The following GCFC2 variants were observed in gnomAD, a reference collection of about 807,000 sequenced individuals.
GCFC2 encodes intron Large complex component GCFC2.
A neutral mutation model predicts 99.4 loss-of-function variants in GCFC2; 102 were observed. The observed-to-expected ratio is 1.03, with a 90% CI of 0.87 to 1.21. The LOEUF is 1.21. Among genes scored for constraint, GCFC2 ranks in the 50% most tolerant of loss-of-function variants. GCFC2 has a pLI of 0.00. For synonymous variants in GCFC2, 338 were observed against 316.8 expected, an observed-to-expected ratio of 1.07 and a Z score of -0.71; for missense variants, 973 against 920.9, an observed-to-expected ratio of 1.06 and a Z score of -0.73.
chr2:75,687,855 G>A lies in GCFC2; in HGVS notation c.1662C>T (p.Ile554=), dbSNP rs761193290. ...TAAGTCGGGGAATAATTGTTTTGTTGATGATTGCAGACAAGACTTTTTTAT... is the reference window on the plus strand; with the variant it reads ...TAAGTCGGGGAATAATTGTTTTGTTAATGATTGCAGACAAGACTTTTTTAT... The part of the protein sequence containing the change: ...SSDKKVLSAI[I]NKTIIPRLTD... Residue 554 remains isoleucine, a synonymous_variant, in exon 11 of 17, where the codon ATC becomes ATT. Coordinates refer to ENST00000321027, the MANE Select transcript of GCFC2 (RefSeq NM_003203.5). 17 of 1,605,060 alleles carry A rather than the reference G, an allele frequency of 1.1e-5. No homozygotes were observed. Among genetic ancestry groups the A allele is most frequent in the Non-Finnish European group, 1.4e-5 (16 of 1,176,178 alleles).
chr2:75,678,251 T>C (rs946325503), intron 12 of GCFC2, among the ~76,000 whole-genome samples: 4 of 152,224 alleles, frequency 2.6e-5, no homozygotes, highest in African/African-American at 9.7e-5. Flanking sequence ...GGAAAGCAAA[T>C]GCAGGATTAT....
chr2:75,689,422 T>C (rs1679958147), intron 9 of GCFC2, among the ~76,000 whole-genome samples, 197 bp from the exon 10 acceptor site: 1 of 152,168 alleles, frequency 6.6e-6, no homozygotes, highest in Non-Finnish European at 1.5e-5. Flanking sequence ...ATACCCCTGC[T>C]ATACGCAGAA....
rs1189717390 is a variant in GCFC2 at position 75,710,668 on chromosome 2, C to T, written c.188G>A (p.Gly63Asp). The change falls in exon 1 of 17, where the codon GGC becomes GAC. Residue 63 changes from glycine (G) to aspartate (D), a missense_variant. Physicochemically the swap from Gly to Asp is moderately conservative, Grantham distance 94 (BLOSUM62 -1). Transcript: ENST00000321027. The stretch of plus-strand genomic sequence containing the variant: ...CCAGACCCGGCCCCGGCCACGAGGG[C>T]CCCGAACCCGGTGGGGCAGTCCCGC... ...QVAGLPHRVR[G>D]PRGRGRVWAS... 1 of 1,520,744 alleles carries T rather than the reference C, an allele frequency of 6.6e-7. No homozygotes were observed. Among genetic ancestry groups the T allele is most frequent in the Admixed American group, 2.0e-5 (1 of 50,020 alleles). 94.2% of individuals were successfully genotyped at this position (1,520,744 alleles called of 1,614,324 possible).
intron 6 of GCFC2, among the ~76,000 whole-genome samples, chr2:75,693,209 C>A (rs1680165776): frequency 6.6e-6 from 1 of 152,098 alleles, no homozygotes; most frequent in South Asian, 2.1e-4. Context: ...GAGGCTGAGA[C>A]AGGTGGATTG....
chr2:75,695,430 T>TA (rs1558746986), intron 5 of GCFC2, among the ~76,000 whole-genome samples: 2 of 152,260 alleles, frequency 1.3e-5, no homozygotes, highest in South Asian at 2.1e-4. Context: ...ATAGTTTTTT[T>TA]AAAAAAATTA....
intron 11 of GCFC2, among the ~76,000 whole-genome samples, chr2:75,686,852 A>G (rs1679838423): frequency 6.6e-6 from 1 of 152,248 alleles, no homozygotes; most frequent in Non-Finnish European, 1.5e-5. Context: ...AGGTAAAACA[A>G]AAGACTTCAT....
intron 15 of GCFC2, among the ~76,000 whole-genome samples, chr2:75,669,373 C>A (rs1678984641): frequency 6.6e-6 from 1 of 152,058 alleles, no homozygotes; most frequent in Admixed American, 6.5e-5. Context: ...TAATAATAAT[C>A]AATTAATCCC....
intron 1 of GCFC2, among the ~76,000 whole-genome samples, chr2:75,709,971 C>T (rs1274354477): frequency 6.6e-6 from 1 of 152,186 alleles, no homozygotes; most frequent in East Asian, 1.9e-4. Flanking sequence ...CTGCCTTACA[C>T]CTGTATTTAA....
chr2:75,699,724 C>T lies in GCFC2; in HGVS notation c.717+1466G>A, dbSNP rs190603636. Among the ~76,000 whole-genome samples, 93 of 151,182 alleles carry T rather than the reference C, an allele frequency of 6.2e-4. 1 individual carries two copies. The highest frequency in any genetic ancestry group is 3.1e-3 in the Admixed American group (47 of 15,182). ...GCAAGTGGCTGGGACTATAGGCATG[C>T]GCCACCATGCCTGGCTAGTTTTATT... On this transcript the variant is annotated intron_variant, in intron 4 of 16. Transcript: ENST00000321027.
chr2:75,679,670 A>G, intron 12 of GCFC2: 1 of 397,746 alleles, frequency 2.5e-6, no homozygotes, highest in East Asian at 3.6e-5. Context: ...CAAAGCCACA[A>G]TGCCACTGGA....
intron 7 of GCFC2, among the ~76,000 whole-genome samples, chr2:75,691,555 G>A (rs567198095): frequency 1.3e-5 from 2 of 151,448 alleles, no homozygotes; most frequent in Non-Finnish European, 2.9e-5. Flanking sequence ...ATCTCTGAAA[G>A]TACAAAATCA....
intron 3 of GCFC2, chr2:75,701,885 AT>A: frequency 9.6e-7 from 1 of 1,044,958 alleles, no homozygotes; most frequent in East Asian, 7.1e-5. Context: ...GTTAAAAAAA[AT>A]ATATTTATAC....
intron 12 of GCFC2, among the ~76,000 whole-genome samples, chr2:75,678,198 G>C (rs1679431613): frequency 6.6e-6 from 1 of 152,132 alleles, no homozygotes; most frequent in African/African-American, 2.4e-5. Context: ...AAATGGTAAA[G>C]CATAATGATT....
upstream of GCFC2, among the ~76,000 whole-genome samples, chr2:75,712,576 C>T (rs754921436): frequency 1.6e-4 from 25 of 152,274 alleles, no homozygotes; most frequent in African/African-American, 2.4e-4. Context: ...CAACCCGCTC[C>T]GGTCCCCTTC....
intron 12 of GCFC2, among the ~76,000 whole-genome samples, chr2:75,675,275 G>A (rs1394366506): frequency 6.6e-6 from 1 of 152,056 alleles, no homozygotes; most frequent in Non-Finnish European, 1.5e-5. Context: ...CAGTACTCAG[G>A]AGAAAACATA....
intron 3 of GCFC2, 92 bp downstream of exon 3, chr2:75,702,107 G>C: frequency 6.6e-7 from 1 of 1,518,220 alleles, no homozygotes; most frequent in South Asian, 1.3e-5. Flanking sequence ...ACTATAAAAT[G>C]TGAGCCAGCA....
At chr2:75,672,991 T>C (rs547353864) in intron 13 of GCFC2, among the ~76,000 whole-genome samples, 1 of 152,314 alleles carries the variant, frequency 6.6e-6, no homozygotes, top group African/African-American at 2.4e-5. Context: ...TGCATCCTCA[T>C]AGAGTATGTG....
At chr2:75,675,321 T>TAA (rs1558734098) in intron 12 of GCFC2, among the ~76,000 whole-genome samples, 1 of 152,200 alleles carries the variant, frequency 6.6e-6, no homozygotes, top group Non-Finnish European at 1.5e-5. Context: ...GGGCTAATGA[T>TAA]AAAGCCAATG....
intron 9 of GCFC2, among the ~76,000 whole-genome samples, chr2:75,689,636 A>G (rs1443466936): frequency 6.6e-6 from 1 of 152,154 alleles, no homozygotes; most frequent in Admixed American, 6.5e-5. Context: ...TCATCATGCT[A>G]AAAAGTTTCA....
Sources: allele counts gnomAD v4.1 joint callset (sites outside exome capture counted in the v4.1 genomes callset), GRCh38; gene constraint gnomAD v4.1.1; transcripts MANE v1.5; gene names NCBI Gene and HGNC (gene_info 2026-07-23, HGNC 2026-07-21).